Variants in CFAP161 observed in about 807,000 individuals in gnomAD.
The protein encoded by CFAP161 is cilia- and flagella-associated protein 161.
Under a neutral mutation model 29.0 loss-of-function variants are expected in CFAP161, and 25 were observed. The ratio of observed to expected loss-of-function variants is 0.86; its 90% CI spans 0.63 to 1.20. The LOEUF (loss-of-function observed/expected upper bound fraction) is 1.20. CFAP161 is among the 50% of genes most tolerant of loss of function. The pLI, the probability that CFAP161 is intolerant of heterozygous loss-of-function variation, is 0.00. For missense variants in CFAP161, 367 were observed against 371.9 expected (o/e 0.99, Z 0.11); for synonymous variants, 116 against 137.4 (o/e 0.84, Z 1.09).
intron 1 of CFAP161, among the ~76,000 whole-genome samples, chr15:81,123,987 G>T (rs762431658): frequency 6.6e-6 from 1 of 152,190 alleles, no homozygotes; most frequent in African/African-American, 2.4e-5. Flanking sequence ...TCTACAAACA[G>T]GGATAGTGTG....
upstream of CFAP161, among the ~76,000 whole-genome samples, chr15:81,133,095 ATCAC>A (rs1026556172): frequency 5.4e-5 from 8 of 147,680 alleles, no homozygotes; most frequent in African/African-American, 2.0e-4. Flanking sequence ...CCCCTCTCCC[ATCAC>A]TCAAAGGCCA....
In CFAP161 at chr15:81,143,779, GACCCC is replaced by G; in HGVS notation, c.596_600del (p.Asp199AlafsTer7). ...GAACTGCTGGCAGGCTGCCTTCCCT[GACCCC>G]CAGTTACGCCTGGAATATGAAGGCT... is the stretch of plus-strand genomic sequence containing the variant. On this transcript the variant is annotated frameshift_variant, in exon 5 of 7. Transcript: ENST00000286732. LOFTEE classifies it high-confidence loss of function. 6.2e-7 allele frequency: 1 copy of G among 1,614,150 alleles called. No homozygotes were observed. The highest frequency in any genetic ancestry group is 1.6e-4 in the Middle Eastern group (1 of 6,062).
intron 1 of CFAP161, among the ~76,000 whole-genome samples, chr15:81,108,903 G>A (rs917671162): frequency 3.3e-5 from 5 of 152,064 alleles, no homozygotes; most frequent in Admixed American, 6.6e-5. Flanking sequence ...GAAGAAAAAA[G>A]GGTTTCCTTT....
chr15:81,147,126 G>A (rs747975835), intron 5 of CFAP161, among the ~76,000 whole-genome samples: 9 of 151,660 alleles, frequency 5.9e-5, no homozygotes, highest in Non-Finnish European at 7.4e-5. Flanking sequence ...CAGATTCACC[G>A]AGCACAAGAC....
At chr15:81,116,266 G>C (rs1284443803) in intron 1 of CFAP161, among the ~76,000 whole-genome samples, 1 of 152,024 alleles carries the variant, frequency 6.6e-6, no homozygotes. Flanking sequence ...ATGTTATGGA[G>C]TCATTTCTTT....
chr15:81,119,902 A>T (rs1011322205), intron 1 of CFAP161, among the ~76,000 whole-genome samples: 18 of 97,378 alleles, frequency 1.8e-4, no homozygotes, highest in African/African-American at 3.7e-4. Flanking sequence ...AAAAAAAATT[A>T]AAAAAATAAA....
intron 1 of CFAP161, among the ~76,000 whole-genome samples, chr15:81,111,255 C>T (rs1012052863): frequency 2.0e-5 from 3 of 152,212 alleles, no homozygotes; most frequent in Admixed American, 6.5e-5. Context: ...TCTTATTTCC[C>T]ACTGCATCCA....
intron 1 of CFAP161, among the ~76,000 whole-genome samples, chr15:81,104,698 A>G (rs902784669): frequency 2.0e-5 from 3 of 152,218 alleles, no homozygotes; most frequent in Non-Finnish European, 4.4e-5. Flanking sequence ...TGGAAAAATC[A>G]TCCCAAATGC....
intron 1 of CFAP161, 96 bp downstream of exon 1, chr15:81,134,494 C>G: frequency 8.0e-7 from 1 of 1,243,940 alleles, no homozygotes; most frequent in Non-Finnish European, 1.1e-6. Flanking sequence ...CAAGCCTCCT[C>G]TCTCTCCCAG....
At chr15:81,108,867 A>G (rs559836510) in intron 1 of CFAP161, among the ~76,000 whole-genome samples, 1 of 152,346 alleles carries the variant, frequency 6.6e-6, no homozygotes, top group East Asian at 1.9e-4. Context: ...AACCATGTCA[A>G]TGCTGTCTTT....
intron 1 of CFAP161, among the ~76,000 whole-genome samples, chr15:81,109,494 A>C (rs111638888): frequency 1.1e-4 from 17 of 152,312 alleles, no homozygotes; most frequent in African/African-American, 4.1e-4. Context: ...TTCGGTTAGA[A>C]TTGTATGTGC....
chr15:81,143,953 T>C, intron 5 of CFAP161, 133 bp downstream of exon 5: 1 of 1,001,064 alleles, frequency 1.0e-6, no homozygotes, highest in Non-Finnish European at 1.4e-6. Flanking sequence ...TTTTTTTCCA[T>C]TTATAACACA....
In CFAP161 at chr15:81,136,733, C is replaced by T; in HGVS notation, c.377C>T (p.Thr126Ile). Residue 126 changes from threonine (T) to isoleucine (I), a missense_variant, in exon 3 of 7, where the codon ACT becomes ATT. Transcript: ENST00000286732. The part of the protein sequence containing the change: ...VQAKTPIGRN[T>I]FIILSVHRDA... Reference sequence around the variant, plus strand: ...GCCAAGACCCCAATTGGCAGAAACACTTTTATCATTTTGAGGTAAAGAGAC... The same window carrying T: ...GCCAAGACCCCAATTGGCAGAAACATTTTTATCATTTTGAGGTAAAGAGAC... 4 of 1,613,314 alleles carry T rather than the reference C, an allele frequency of 2.5e-6. No homozygotes were observed. Among genetic ancestry groups the T allele is most frequent in the Non-Finnish European group, 3.4e-6 (4 of 1,179,420 alleles).
chr15:81,147,003 T>TCA (rs1426179523), intron 5 of CFAP161, among the ~76,000 whole-genome samples: 1 of 151,200 alleles, frequency 6.6e-6, no homozygotes, highest in Non-Finnish European at 1.5e-5. Flanking sequence ...TAGCTTATCT[T>TCA]CACAGTGTGG....
intron 1 of CFAP161, among the ~76,000 whole-genome samples, chr15:81,100,974 A>G (rs1012220789): frequency 6.6e-6 from 1 of 152,220 alleles, no homozygotes; most frequent in African/African-American, 2.4e-5. Flanking sequence ...TTGGCCACCA[A>G]CTTGGCTGGC....
intron 1 of CFAP161, among the ~76,000 whole-genome samples, 155 bp downstream of exon 1, chr15:81,134,553 A>C (rs1457241849): frequency 6.6e-6 from 1 of 152,086 alleles, no homozygotes; most frequent in Non-Finnish European, 1.5e-5. Context: ...ACTCCCAAGG[A>C]ATCTCACCTG....
At chr15:81,103,345 C>A (rs1277435964) in intron 1 of CFAP161, among the ~76,000 whole-genome samples, 1 of 152,156 alleles carries the variant, frequency 6.6e-6, no homozygotes, top group Non-Finnish European at 1.5e-5. Context: ...GCCCTCCTTT[C>A]ACTTGCCCCA....
In CFAP161 at chr15:81,138,144, T is replaced by C. The variant is rs377391946; in HGVS notation, c.477+9T>C. 6.3e-7 allele frequency: 1 copy of C among 1,591,308 alleles called. No homozygotes were observed. Among genetic ancestry groups the C allele is most frequent in the Non-Finnish European group, 8.6e-7 (1 of 1,159,242 alleles). On this transcript the variant is annotated intron_variant, in intron 4 of 6. Transcript: ENST00000286732. ...GATTTGACAACAAAATGGTGAGTTATCACTTTGCATATCTACTTTGGATCA... is the reference window on the plus strand; with the variant it reads ...GATTTGACAACAAAATGGTGAGTTACCACTTTGCATATCTACTTTGGATCA...
At chr15:81,115,180 T>C (rs1462501626) in intron 1 of CFAP161, among the ~76,000 whole-genome samples, 1 of 152,226 alleles carries the variant, frequency 6.6e-6, no homozygotes, top group Non-Finnish European at 1.5e-5. Context: ...TCTTTCTTCA[T>C]GGCCTTCTCT....
Sources: allele counts gnomAD v4.1 joint callset (sites outside exome capture counted in the v4.1 genomes callset), GRCh38; gene constraint gnomAD v4.1.1; transcripts MANE v1.5; gene names NCBI Gene and HGNC (gene_info 2026-07-23, HGNC 2026-07-21).